The following FREM2 variants were observed in gnomAD, a reference collection of about 807,000 sequenced individuals.
FREM2 encodes the protein FRAS1-related extracellular matrix protein 2.
FREM2 carries 119 observed loss-of-function variants against 219.9 expected under a neutral mutation model. That is an observed-to-expected ratio of 0.54 (90% confidence interval 0.47 to 0.63). FREM2 has a LOEUF of 0.63. Ranked by LOEUF, FREM2 falls within the 30% of genes least tolerant of loss-of-function variation. The pLI, the probability that FREM2 is intolerant of heterozygous loss-of-function variation, is 0.00. For missense variants in FREM2, 4,030 were observed against 3,993.6 expected, an observed-to-expected ratio of 1.01 and a Z score of -0.25; for synonymous variants, 1,562 against 1,522.8, an observed-to-expected ratio of 1.03 and a Z score of -0.60.
At chr13:38,858,105 A>T in intron 13 of FREM2, 72 bp downstream of exon 13, 1 of 1,302,958 alleles carries the variant, frequency 7.7e-7, no homozygotes, top group Non-Finnish European at 1.1e-6. Context: ...TCAATATAGC[A>T]TTGGCTTTGT....
At chr13:38,867,781 T>G (rs944157025) in intron 16 of FREM2, among the ~76,000 whole-genome samples, 1 of 152,220 alleles carries the variant, frequency 6.6e-6, no homozygotes, top group Non-Finnish European at 1.5e-5. Context: ...GAGAGAGAGA[T>G]AATTCACAAC....
intron 2 of FREM2, among the ~76,000 whole-genome samples, chr13:38,708,266 T>G (rs1870619365): frequency 6.6e-6 from 1 of 152,192 alleles, no homozygotes; most frequent in South Asian, 2.1e-4. Flanking sequence ...AGGAAAATAT[T>G]TCTTCCAGTG....
rs1593434209 is a variant in FREM2, at chr13:38,831,944, A to G, written c.6020-14629A>G. On this transcript the variant is annotated intron_variant, in intron 6 of 23. Coordinates refer to ENST00000280481, the MANE Select transcript of FREM2 (RefSeq NM_207361.6). ...CCTGAACTTTAATTTTTCAACAATA[A>G]TTTTGAAAATGCTTTTTAAAGACTA... Among the ~76,000 whole-genome samples the G allele has an allele frequency of 3.3e-5, 5 of 152,076 alleles. No homozygotes were observed. The East Asian group carries it at 9.7e-4, about 29-fold the overall frequency.
intron 2 of FREM2, among the ~76,000 whole-genome samples, chr13:38,704,986 C>T (rs1011592277): frequency 3.9e-5 from 6 of 152,066 alleles, no homozygotes; most frequent in African/African-American, 1.2e-4. Context: ...GTTTCTCCCT[C>T]GACACATGGG....
At chr13:38,782,672 T>C (rs554033605) in intron 4 of FREM2, among the ~76,000 whole-genome samples, 5 of 152,346 alleles carry the variant, frequency 3.3e-5, no homozygotes, top group South Asian at 2.1e-4. Context: ...CTGAGTTTCC[T>C]CATCTGCAAA....
chr13:38,851,010 T>G lies in FREM2; in HGVS notation c.6644T>G (p.Leu2215Arg). 6.2e-7 allele frequency: 1 copy of G among 1,613,876 alleles called. No homozygotes were observed. The highest frequency in any genetic ancestry group is 8.5e-7 in the Non-Finnish European group (1 of 1,179,990). Residue 2215 changes from leucine to arginine, a missense_variant, in exon 10 of 24, where the codon CTC becomes CGC. Transcript: ENST00000280481. ...DDVLYEEVEE[L>R]RLVLGTPQSN... ...GTGCTCTATGAGGAGGTAGAGGAGC[T>G]CCGCCTGGTACTCGGCACTCCACAA...
intron 1 of FREM2, among the ~76,000 whole-genome samples, chr13:38,696,631 T>G (rs1870117009): frequency 6.6e-6 from 1 of 152,174 alleles, no homozygotes; most frequent in Non-Finnish European, 1.5e-5. Context: ...ATTTTTTTCT[T>G]ATTATGTTGT....
chr13:38,749,929 A>C (rs569096838), intron 2 of FREM2, among the ~76,000 whole-genome samples: 1 of 152,194 alleles, frequency 6.6e-6, no homozygotes, highest in African/African-American at 2.4e-5. Flanking sequence ...TGCATTTTAT[A>C]TTAACCAAGT....
intron 3 of FREM2, among the ~76,000 whole-genome samples, chr13:38,768,931 C>A (rs989462517): frequency 3.3e-5 from 5 of 152,158 alleles, no homozygotes; most frequent in African/African-American, 1.2e-4. Flanking sequence ...CTCATAATAA[C>A]CATATATATT....
At chr13:38,725,922 G>T (rs1446586205) in intron 2 of FREM2, among the ~76,000 whole-genome samples, 4 of 152,190 alleles carry the variant, frequency 2.6e-5, no homozygotes, top group Non-Finnish European at 5.9e-5. Context: ...TGTAATTTCA[G>T]ATGGAGATGT....
chr13:38,840,702 A>G (rs1356757570), intron 6 of FREM2, among the ~76,000 whole-genome samples: 1 of 144,242 alleles, frequency 6.9e-6, no homozygotes, highest in Admixed American at 7.3e-5. Context: ...ATGTGCATAT[A>G]TACACACACA....
intron 6 of FREM2, among the ~76,000 whole-genome samples, chr13:38,794,629 G>T (rs561340768): frequency 6.6e-6 from 1 of 151,818 alleles, no homozygotes; most frequent in African/African-American, 2.4e-5. Context: ...TTGAAATGGG[G>T]ATACTAGTTT....
chr13:38,850,515 G>A (rs1225326676), intron 9 of FREM2, among the ~76,000 whole-genome samples: 1 of 152,152 alleles, frequency 6.6e-6, no homozygotes, highest in Non-Finnish European at 1.5e-5. Flanking sequence ...ACAATGCTAG[G>A]AATTAAACTT....
intron 1 of FREM2, among the ~76,000 whole-genome samples, chr13:38,695,393 C>A (rs1870067693): frequency 6.6e-6 from 1 of 152,022 alleles, no homozygotes; most frequent in African/African-American, 2.4e-5. Context: ...AATTGGGTAC[C>A]AGAGTGCCAT....
chr13:38,719,835 T>A (rs1871152916), intron 2 of FREM2, among the ~76,000 whole-genome samples: 4 of 152,192 alleles, frequency 2.6e-5, no homozygotes, highest in Admixed American at 2.6e-4. Context: ...TACCTGTTGG[T>A]GAAATTTACA....
At chr13:38,703,153 G>GA (rs1870407841) in intron 2 of FREM2, among the ~76,000 whole-genome samples, 1 of 152,076 alleles carries the variant, frequency 6.6e-6, no homozygotes, top group African/African-American at 2.4e-5. Context: ...GCTTGAAAAT[G>GA]ACCAATAACT....
Position 38,769,881 on chromosome 13 carries a change from G to A in FREM2, c.5641+73G>A, listed in dbSNP as rs186585136. ...TGACAAAATACCTTGTAGGGGTATA[G>A]CTTACAGTTTTAAATTCAATGTTTG... On this transcript the variant is annotated intron_variant, in intron 4 of 23. Transcript: ENST00000280481. 2.2e-4 allele frequency: 235 copies of A among 1,073,766 alleles called. No homozygotes were observed. In the African/African-American group the frequency reaches 3.2e-3, roughly 14 times the overall value. The allele number at this position is 1,073,766 out of a possible 1,614,324, so 66.5% of individuals were successfully genotyped here. A position where few individuals can be genotyped will look rare whatever the true frequency, so the allele number is the denominator to read the frequency against.
intron 6 of FREM2, among the ~76,000 whole-genome samples, chr13:38,797,221 C>G (rs190832099): frequency 1.3e-5 from 2 of 151,964 alleles, no homozygotes; most frequent in East Asian, 3.9e-4. Flanking sequence ...ACATTTCCAC[C>G]AAGAGGGTGT....
intron 2 of FREM2, among the ~76,000 whole-genome samples, chr13:38,757,147 T>A (rs1873042832): frequency 6.6e-6 from 1 of 152,196 alleles, no homozygotes; most frequent in Non-Finnish European, 1.5e-5. Flanking sequence ...AGTAGATGAA[T>A]AGGAATTTCA....
Sources: gnomAD v4.1 joint callset for allele counts (sites outside exome capture counted in the v4.1 genomes callset) on GRCh38, gnomAD v4.1.1 for gene constraint, MANE v1.5 for transcripts, NCBI Gene and HGNC (gene_info 2026-07-23, HGNC 2026-07-21) for gene names.